ACSM2A: variants seen among roughly 807,000 people sequenced by gnomAD.
The protein encoded by ACSM2A is acyl-CoA synthetase medium chain family member 2A, also known as acyl-coenzyme A synthetase ACSM2A, mitochondrial.
Under a neutral mutation model 76.6 loss-of-function variants are expected in ACSM2A, and 72 were observed. The ratio of observed to expected loss-of-function variants is 0.94; its 90% CI spans 0.78 to 1.14. The LOEUF (loss-of-function observed/expected upper bound fraction) is 1.14, where lower values mean the gene tolerates loss of function less well. Ranked by LOEUF, ACSM2A falls within the 50% of genes most tolerant of loss-of-function variation. ACSM2A has a pLI of 0.00. For synonymous variants in ACSM2A, 249 were observed against 255.9 expected (o/e 0.97, Z 0.26); for missense variants, 684 against 708.5 (o/e 0.97, Z 0.39).
intron 3 of ACSM2A, among the ~76,000 whole-genome samples, chr16:20,468,361 C>T (rs1367392724): frequency 6.6e-6 from 1 of 152,124 alleles, no homozygotes; most frequent in Non-Finnish European, 1.5e-5. Context: ...TTATTCTGTT[C>T]TTTTCTTTCT....
intron 9 of ACSM2A, 131 bp downstream of exon 9, chr16:20,477,580 A>T: frequency 1.4e-6 from 2 of 1,439,290 alleles, no homozygotes; most frequent in Non-Finnish European, 1.8e-6. Context: ...GAAAAAAAGG[A>T]GGTAGGGAGG....
chr16:20,479,842 T>A (rs900619355), intron 10 of ACSM2A, among the ~76,000 whole-genome samples: 1 of 152,226 alleles, frequency 6.6e-6, no homozygotes, highest in South Asian at 2.1e-4. Flanking sequence ...AAACCTGGCT[T>A]CTGGTCTCAG....
chr16:20,455,759 A>C (rs1443092418), intron 1 of ACSM2A, among the ~76,000 whole-genome samples: 1 of 149,984 alleles, frequency 6.7e-6, no homozygotes, highest in Admixed American at 6.6e-5. Context: ...CAAGCTACAC[A>C]GGCAACAAAT....
chr16:20,480,979 A>C, intron 12 of ACSM2A, 58 bp downstream of exon 12: 2 of 1,603,566 alleles, frequency 1.2e-6, no homozygotes, highest in Non-Finnish European at 1.7e-6. Context: ...GCAGTGTAGT[A>C]TGATGGTTTA....
In ACSM2A at chr16:20,480,633, G is replaced by T; in HGVS notation, c.1342G>T (p.Gly448Ter). 6.2e-7 allele frequency: 1 copy of T among 1,613,402 alleles called. No homozygotes were observed. Among genetic ancestry groups the T allele is most frequent in the Non-Finnish European group, 8.5e-7 (1 of 1,179,704 alleles). ...AGACTTTTGGCTCCTTGGAGACCGG[G>T]GAATCAAAGATGAAGATGGGTATTT... Reference protein sequence around the residue: ...RGDFWLLGDRGIKDEDGYFQF... With the variant: ...RGDFWLLGDR Residue 448 changes from glycine to a stop codon, truncating the protein, a stop_gained, in exon 11 of 14, where the codon GGA becomes TGA. Transcript: ENST00000573854. LOFTEE classifies it high-confidence loss of function.
chr16:20,486,463 C>T (rs551982272), intron 13 of ACSM2A, 111 bp from the exon 14 acceptor site: 5 of 1,203,558 alleles, frequency 4.2e-6, no homozygotes, highest in Admixed American at 1.8e-5. Context: ...GGGCAGCTGC[C>T]CTGAAGTGGC....
chr16:20,481,852 A>C (rs1290770907), intron 12 of ACSM2A: 1 of 119,254 alleles, frequency 8.4e-6, no homozygotes. Context: ...ATGTACAAAT[A>C]TTATGAAATG....
At chr16:20,481,129 T>C (rs1352683825) in intron 12 of ACSM2A, 1 of 623,444 alleles carries the variant, frequency 1.6e-6, no homozygotes, top group Non-Finnish European at 2.8e-6. Context: ...GTTATGAGGG[T>C]TAAATGTGCT....
At chr16:20,468,316 T>A (rs2013140270) in intron 3 of ACSM2A, among the ~76,000 whole-genome samples, 1 of 152,192 alleles carries the variant, frequency 6.6e-6, no homozygotes, top group African/African-American at 2.4e-5. Context: ...GACAGGCATG[T>A]GGTTTAAGCT....
intron 5 of ACSM2A, 129 bp downstream of exon 5, chr16:20,471,345 A>T (rs540510907): frequency 1.8e-5 from 27 of 1,507,550 alleles, no homozygotes; most frequent in Non-Finnish European, 2.3e-5. Context: ...TCCTGTTGAT[A>T]CAGGATGTGT....
rs181910435 is a variant in ACSM2A at position 20,469,514 on chromosome 16, C to G, written c.391C>G (p.Leu131Val). ...LVILGCIRAG[L>V]IFMPGTIQMK... The stretch of plus-strand genomic sequence containing the variant: ...CTCTAAATTGTTGGCTTCTTTAGGT[C>G]TCATCTTTATGCCTGGAACCATCCA... Residue 131 changes from leucine to valine, a missense_variant and splice_region_variant, in exon 4 of 14, where the codon CTC becomes GTC. Transcript: ENST00000573854. 3.7e-6 allele frequency: 6 copies of G among 1,612,202 alleles called. No individual in the cohort carries two copies. The East Asian group carries it at 1.3e-4, about 36-fold the overall frequency.
rs762590121 is a variant in ACSM2A, at chr16:20,471,586, G to A, written c.791G>A (p.Gly264Asp). ...ATAATGTGGACCATATCAGACACAG[G>A]TTGGATACTGAACATCTTGTGCTCA... ...SDIMWTISDT[G>D]WILNILCSLM... The change falls in exon 6 of 14, where the codon GGT (glycine) becomes GAT (aspartate). Residue 264 changes from glycine (G) to aspartate (D), a missense_variant. Around this residue, in one of 3 missense-constraint regions of ACSM2A, gnomAD observed 519 missense variants for 549.5 expected, o/e 0.94. Coordinates refer to ENST00000573854, the MANE Select transcript of ACSM2A (RefSeq NM_001308172.2). 3.7e-6 allele frequency: 6 copies of A among 1,614,042 alleles called. No individual in the cohort carries two copies. Among genetic ancestry groups the A allele is most frequent in the Non-Finnish European group, 5.1e-6 (6 of 1,179,942 alleles).
intron 13 of ACSM2A, among the ~76,000 whole-genome samples, chr16:20,485,837 C>G (rs1289643644): frequency 1.3e-5 from 2 of 152,186 alleles, no homozygotes; most frequent in Non-Finnish European, 2.9e-5. Context: ...CCATCTAACA[C>G]TTAAACCAAT....
chr16:20,457,469 A>G (rs943284915), intron 1 of ACSM2A, among the ~76,000 whole-genome samples: 1 of 152,154 alleles, frequency 6.6e-6, no homozygotes, highest in Non-Finnish European at 1.5e-5. Context: ...ATCCACCATG[A>G]TGAAGTGGGT....
intron 2 of ACSM2A, among the ~76,000 whole-genome samples, chr16:20,463,213 C>A (rs1283684794): frequency 6.6e-6 from 1 of 150,922 alleles, no homozygotes; most frequent in Admixed American, 6.6e-5. Flanking sequence ...CACATGTACC[C>A]TAAAACTTAA....
chr16:20,484,019 A>G, intron 13 of ACSM2A, among the ~76,000 whole-genome samples: 1 of 149,440 alleles, frequency 6.7e-6, no homozygotes, highest in Non-Finnish European at 1.5e-5. Flanking sequence ...AGCTTAGAAA[A>G]CTCCAGTAGA....
intron 1 of ACSM2A, among the ~76,000 whole-genome samples, chr16:20,455,957 A>G (rs2012128654): frequency 6.6e-6 from 1 of 151,010 alleles, no homozygotes. Flanking sequence ...GTGGAAAAAG[A>G]CATTCCATGC....
rs536607682 is a variant in ACSM2A at position 20,477,301 on chromosome 16, A to T, written c.1099-68A>T. 51 of 1,568,590 alleles carry T rather than the reference A, an allele frequency of 3.3e-5. 1 individual carries two copies. Among genetic ancestry groups the T allele is most frequent in the Admixed American group, 3.1e-4 (17 of 55,664 alleles). On this transcript the variant is annotated intron_variant, in intron 8 of 13. Coordinates refer to ENST00000573854, the MANE Select transcript of ACSM2A (RefSeq NM_001308172.2). ...CAGTGTCAGGACCTGCTCTGCAGAA[A>T]TTTTTTCTTTTTCTGTGACCTTGTA...
At chr16:20,478,056 T>C (rs530450080) in intron 9 of ACSM2A, among the ~76,000 whole-genome samples, 30 of 152,328 alleles carry the variant, frequency 2.0e-4, no homozygotes, top group African/African-American at 6.7e-4. Flanking sequence ...CTCTATTCAG[T>C]GTCATATCCA....
Sources: gnomAD v4.1 joint callset for allele counts (sites outside exome capture counted in the v4.1 genomes callset) on GRCh38, gnomAD v4.1.1 for gene constraint, gnomAD v4.1.1 regional missense constraint, MANE v1.5 for transcripts, NCBI Gene and HGNC (gene_info 2026-07-23, HGNC 2026-07-21) for gene names.